Variants in OR2C3 observed in about 807,000 individuals in gnomAD.
The protein encoded by OR2C3 is olfactory receptor 2C3.
For synonymous variants in OR2C3, 178 were observed against 163.4 expected, an observed-to-expected ratio of 1.09 and a Z score of -0.68; for missense variants, 425 against 401.5, an observed-to-expected ratio of 1.06 and a Z score of -0.50.
rs1033622417 is a variant in OR2C3 at position 247,531,733 on chromosome 1, T to TA, written c.778dup (p.Tyr260LeufsTer11). ...GGAGGTGCTCTTGGCTGGCTGGAGA[T>TA]ACATGAAGATGATGCTCCCGTAAAA... On this transcript the variant is annotated frameshift_variant, in exon 3 of 3. Coordinates refer to ENST00000641802, the MANE Select transcript of OR2C3 (RefSeq NM_198074.6). LOFTEE classifies it low-confidence loss of function (END_TRUNC). 4 of 1,614,132 alleles carry TA rather than the reference T, an allele frequency of 2.5e-6. No individual in the cohort carries two copies. The highest frequency in any genetic ancestry group is 3.4e-6 in the Non-Finnish European group (4 of 1,180,000).
At position 247,526,021 on chromosome 1, in the gene OR2C3, C is replaced by CA. The variant is rs1389811170; in HGVS notation, c.*5527dup. On this transcript the variant is annotated 3_prime_UTR_variant, in exon 3 of 3. Transcript: ENST00000641802. The surrounding 1 kb of genome is among the most constrained non-coding windows in gnomAD (Gnocchi z 4.8). ...CTAAAATTTATCTTGAGCTACTAGT[C>CA]AAGTTTGCAAGGATTTCAATACACA... 2 of 152,150 alleles carry CA rather than the reference C, an allele frequency of 1.3e-5. No homozygotes were observed. Among genetic ancestry groups the CA allele is most frequent in the Non-Finnish European group, 2.9e-5 (2 of 68,032 alleles). 9.4% of individuals were successfully genotyped at this position (152,150 alleles called of 1,614,324 possible). A position where few individuals can be genotyped will look rare whatever the true frequency, so the allele number is the denominator to read the frequency against.
intron 2 of OR2C3, 93 bp from the exon 3 acceptor site, chr1:247,532,633 T>C (rs1316003328): frequency 1.0e-6 from 1 of 970,988 alleles, no homozygotes; most frequent in African/African-American, 1.6e-5. Context: ...TCATTTTATG[T>C]TATTCTTTTT....
Position 247,531,994 on chromosome 1 carries a change from T to G in OR2C3, c.518A>C (p.Asn173Thr), listed in dbSNP as rs1295744454. The G allele has an allele frequency of 6.2e-7, 1 of 1,614,104 alleles. No individual in the cohort carries two copies. Among genetic ancestry groups the G allele is most frequent in the Non-Finnish European group, 8.5e-7 (1 of 1,180,008 alleles). ...CTCGCAAAAGAAGTGGTCGATGCAA[T>G]TGTTCCCACACAGCGGTAGGAGCAT... ...LTMLLPLCGNNCIDHFFCEMP... is the reference protein window; with the variant it reads ...LTMLLPLCGNTCIDHFFCEMP... The change falls in exon 3 of 3, where the codon AAT (asparagine) becomes ACT (threonine). Residue 173 changes from asparagine to threonine, a missense_variant. By Grantham distance (65) the Asn-to-Thr change is moderately conservative (BLOSUM62 0). Coordinates refer to ENST00000641802, the MANE Select transcript of OR2C3 (RefSeq NM_198074.6).
rs566537826 is a variant in OR2C3, at chr1:247,531,621, C to G, written c.891G>C (p.Glu297Asp). The G allele has an allele frequency of 6.2e-7, 1 of 1,614,180 alleles. No homozygotes were observed. Among genetic ancestry groups the G allele is most frequent in the Admixed American group, 1.7e-5 (1 of 60,030 alleles). The change falls in exon 3 of 3, where the codon GAG becomes GAC. Residue 297 changes from glutamate to aspartate, a missense_variant. Coordinates refer to ENST00000641802, the MANE Select transcript of OR2C3 (RefSeq NM_198074.6). ...CCATGTGCCGGAGGGCGCTCTTCACCTCCGTGTTCCTCAGGGTGTAAATAA... is the reference window on the plus strand; with the variant it reads ...CCATGTGCCGGAGGGCGCTCTTCACGTCCGTGTTCCTCAGGGTGTAAATAA... ...NPLIYTLRNTEVKSALRHMVL... is the reference protein window; with the variant it reads ...NPLIYTLRNTDVKSALRHMVL...
Position 247,531,449 on chromosome 1 carries a change from A to G in OR2C3, c.*100T>C. 8.1e-7 allele frequency: 1 copy of G among 1,239,268 alleles called. No homozygotes were observed. Among genetic ancestry groups the G allele is most frequent in the East Asian group, 2.3e-5 (1 of 42,846 alleles). 76.8% of individuals were successfully genotyped at this position (1,239,268 alleles called of 1,614,324 possible). On this transcript the variant is annotated 3_prime_UTR_variant, in exon 3 of 3. Coordinates refer to ENST00000641802, the MANE Select transcript of OR2C3 (RefSeq NM_198074.6). ...CAGATTTCCATCTACCTTGAGCTCAAACAATATTAGAAGAAAAACGACATC... is the reference window on the plus strand; with the variant it reads ...CAGATTTCCATCTACCTTGAGCTCAGACAATATTAGAAGAAAAACGACATC...
In OR2C3 at chr1:247,531,940, A is replaced by G. The variant is rs748546913; in HGVS notation, c.572T>C (p.Val191Ala). 6.2e-7 allele frequency: 1 copy of G among 1,614,210 alleles called. No homozygotes were observed. The highest frequency in any genetic ancestry group is 1.7e-5 in the Admixed American group (1 of 60,028). The change falls in exon 3 of 3, where the codon GTG becomes GCG. Residue 191 changes from valine to alanine, a missense_variant. By Grantham distance (64) the Val-to-Ala change is moderately conservative. Coordinates refer to ENST00000641802, the MANE Select transcript of OR2C3 (RefSeq NM_198074.6). ...EMPLIMQLAC[V>A]DTSLNEMEMY... ...CTCCATCTCATTGAGGCTGGTATCC[A>G]CACAAGCCAGTTGCATAATGAGGGG...
At position 247,532,540 on chromosome 1, in the gene OR2C3, C is replaced by T; in HGVS notation, c.-29G>A. On this transcript the variant is annotated splice_region_variant and 5_prime_UTR_variant, in exon 3 of 3. In the 5' UTR this introduces an upstream ATG that the reference lacks. Coordinates refer to ENST00000641802, the MANE Select transcript of OR2C3 (RefSeq NM_198074.6). ...ATGCTGGGGGTGGGGCAAAAGGCCA[C>T]CTGTGGGAAGAGCACAGGGCATACA... The T allele has an allele frequency of 6.2e-7, 1 of 1,602,756 alleles. No individual in the cohort carries two copies. The highest frequency in any genetic ancestry group is 8.5e-7 in the Non-Finnish European group (1 of 1,174,038).
At position 247,527,262 on chromosome 1, in the gene OR2C3, C is replaced by T. The variant is rs995441810; in HGVS notation, c.*4287G>A. The T allele has an allele frequency of 2.8e-6, 1 of 357,218 alleles. No individual in the cohort carries two copies. The highest frequency in any genetic ancestry group is 5.5e-6 in the Non-Finnish European group (1 of 181,990). 22.1% of individuals were successfully genotyped at this position (357,218 alleles called of 1,614,324 possible). On this transcript the variant is annotated 3_prime_UTR_variant, in exon 3 of 3. Transcript: ENST00000641802. The surrounding 1 kb of genome is among the most constrained non-coding windows in gnomAD (Gnocchi z 4.6). Reference sequence around the variant, plus strand: ...GGTCAGGGCAAAGCACAGTGCTGTCCTCATGGTTCTGGGAGGGTCTGCGTT... The same window carrying T: ...GGTCAGGGCAAAGCACAGTGCTGTCTTCATGGTTCTGGGAGGGTCTGCGTT...
rs943123634 is a variant in OR2C3, at chr1:247,527,903, C to T, written c.*3646G>A. On this transcript the variant is annotated 3_prime_UTR_variant, in exon 3 of 3. Transcript: ENST00000641802. The surrounding 1 kb of genome is among the most constrained non-coding windows in gnomAD (Gnocchi z 4.6). ...CTTCTCATTCCCCCACCCCTGCTAT[C>T]CATTCCCAGCCTCAAGTATCCTCTG... 4.6e-5 allele frequency: 7 copies of T among 152,162 alleles called. No individual in the cohort carries two copies. The allele number at this position is 152,162 out of a possible 1,614,324, so 9.4% of individuals were successfully genotyped here.
rs543188417 is a variant in OR2C3 at position 247,533,642 on chromosome 1, G to A, written c.-165C>T. On this transcript the variant is annotated 5_prime_UTR_variant, in exon 2 of 3. Transcript: ENST00000641802. ...CTGGGCTTCTTCACTCAGTCCATCA[G>A]TATTAGATCATGCCCTTCATGTTCA... 3.3e-4 allele frequency: 51 copies of A among 152,298 alleles called. No homozygotes were observed. The highest frequency in any genetic ancestry group is 1.1e-3 in the African/African-American group (46 of 41,560). 9.4% of individuals were successfully genotyped at this position (152,298 alleles called of 1,614,324 possible). A position where few individuals can be genotyped will look rare whatever the true frequency, so the allele number is the denominator to read the frequency against.
Position 247,532,405 on chromosome 1 carries a change from T to G in OR2C3, c.107A>C (p.Tyr36Ser). Residue 36 changes from tyrosine (Y) to serine (S), a missense_variant, in exon 3 of 3, where the codon TAC (tyrosine) becomes TCC (serine). Transcript: ENST00000641802. ...GCCATTGCCCAAGATCGATACCATG[T>G]AAAAACTCAAGACAACTATGAAGAG... ...TVLFIVVLSF[Y>S]MVSILGNGII... The G allele has an allele frequency of 6.2e-7, 1 of 1,614,088 alleles. No individual in the cohort carries two copies. The highest frequency in any genetic ancestry group is 8.5e-7 in the Non-Finnish European group (1 of 1,180,020).
In OR2C3 at chr1:247,531,624, C is replaced by T. The variant is rs1458387754; in HGVS notation, c.888G>A (p.Thr296=). ...LNPLIYTLRN[T]EVKSALRHMV... is the part of the protein sequence containing the mutation. ...TGTGCCGGAGGGCGCTCTTCACCTCCGTGTTCCTCAGGGTGTAAATAAGTG... is the reference window on the plus strand; with the variant it reads ...TGTGCCGGAGGGCGCTCTTCACCTCTGTGTTCCTCAGGGTGTAAATAAGTG... Residue 296 remains threonine, a synonymous_variant, in exon 3 of 3, where the codon ACG becomes ACA. Coordinates refer to ENST00000641802, the MANE Select transcript of OR2C3 (RefSeq NM_198074.6). 2.5e-6 allele frequency: 4 copies of T among 1,614,018 alleles called. No individual in the cohort carries two copies. The highest frequency in any genetic ancestry group is 3.4e-6 in the Non-Finnish European group (4 of 1,180,020).
At position 247,530,031 on chromosome 1, in the gene OR2C3, C is replaced by T. The variant is rs562137592; in HGVS notation, c.*1518G>A. 32 of 149,028 alleles carry T rather than the reference C, an allele frequency of 2.1e-4. No homozygotes were observed. The highest frequency in any genetic ancestry group is 7.6e-4 in the African/African-American group (31 of 40,782). 9.2% of individuals were successfully genotyped at this position (149,028 alleles called of 1,614,324 possible). A position where few individuals can be genotyped will look rare whatever the true frequency, so the allele number is the denominator to read the frequency against. ...CTCTCACTCTTTTTTCTCTCTCTCC[C>T]CCTCAGGGTGTGTGTGTGTGTGTGT... On this transcript the variant is annotated 3_prime_UTR_variant, in exon 3 of 3. Coordinates refer to ENST00000641802, the MANE Select transcript of OR2C3 (RefSeq NM_198074.6).
chr1:247,532,291 A>G lies in OR2C3; in HGVS notation c.221T>C (p.Phe74Ser), dbSNP rs1189485360. 1 of 1,614,208 alleles carries G rather than the reference A, an allele frequency of 6.2e-7. No homozygotes were observed. The highest frequency in any genetic ancestry group is 1.7e-5 in the Admixed American group (1 of 60,034). Residue 74 changes from phenylalanine (F) to serine (S), a missense_variant, in exon 3 of 3, where the codon TTC (phenylalanine) becomes TCC (serine). Coordinates refer to ENST00000641802, the MANE Select transcript of OR2C3 (RefSeq NM_198074.6). ...LANLPFLDMS[F>S]TTSIVPQLLA... ...GAGCTGTGGGACAATGCTCGTGGTG[A>G]AGCTCATGTCCAGGAAGGGGAGGTT...
chr1:247,533,471 T>C (rs1287216803), intron 2 of OR2C3, 36 bp downstream of exon 2: 2 of 152,202 alleles, frequency 1.3e-5, no homozygotes, highest in African/African-American at 2.4e-5. Context: ...CACCTTTCTG[T>C]GTTAAAACTA....
In OR2C3 at chr1:247,532,098, A is replaced by C. The variant is rs1038049388; in HGVS notation, c.414T>G (p.His138Gln). ...AAGCTAGCCCAAGGCAAAGCTGTGG[A>C]TGCATAATGACAGTGTAATGGAGTG... ...CRPLHYTVIMHPQLCLGLALA... is the reference protein window; with the variant it reads ...CRPLHYTVIMQPQLCLGLALA... Residue 138 changes from histidine to glutamine, a missense_variant, in exon 3 of 3, where the codon CAT becomes CAG. Transcript: ENST00000641802. 1 of 1,614,120 alleles carries C rather than the reference A, an allele frequency of 6.2e-7. No individual in the cohort carries two copies. Among genetic ancestry groups the C allele is most frequent in the East Asian group, 2.2e-5 (1 of 44,874 alleles).
At chr1:247,534,319 G>A (rs895824110) in intron 1 of OR2C3, among the ~76,000 whole-genome samples, 6 of 152,164 alleles carry the variant, frequency 3.9e-5, no homozygotes, top group African/African-American at 1.4e-4. Flanking sequence ...CAATATTCAT[G>A]GACGTGCATC....
chr1:247,534,926 G>T (rs1667156504), intron 1 of OR2C3, among the ~76,000 whole-genome samples: 2 of 152,176 alleles, frequency 1.3e-5, no homozygotes, highest in African/African-American at 4.8e-5. Context: ...TCAGAATACT[G>T]AGACAATCAT....
Position 247,528,068 on chromosome 1 carries a change from T to G in OR2C3, c.*3481A>C, listed in dbSNP as rs1017682120. On this transcript the variant is annotated 3_prime_UTR_variant, in exon 3 of 3. Transcript: ENST00000641802. Reference sequence around the variant, plus strand: ...CCATTTGTTTCTGTTTCTTCGGTCTTTGGGTTCTAAACTGAGTAAAAAATG... The same window carrying G: ...CCATTTGTTTCTGTTTCTTCGGTCTGTGGGTTCTAAACTGAGTAAAAAATG... The G allele has an allele frequency of 1.3e-5, 2 of 152,162 alleles. No individual in the cohort carries two copies. Among genetic ancestry groups the G allele is most frequent in the Non-Finnish European group, 1.5e-5 (1 of 68,038 alleles). The allele number at this position is 152,162 out of a possible 1,614,324, so 9.4% of individuals were successfully genotyped here. A position where few individuals can be genotyped will look rare whatever the true frequency, so the allele number is the denominator to read the frequency against.
Sources: allele counts gnomAD v4.1 joint callset (sites outside exome capture counted in the v4.1 genomes callset), GRCh38; gene constraint gnomAD v4.1.1; non-coding constraint Gnocchi (gnomAD v3.1); transcripts MANE v1.5; gene names NCBI Gene and HGNC (gene_info 2026-07-23, HGNC 2026-07-21).